SLC8A1: variants seen among roughly 807,000 people sequenced by gnomAD.
The protein encoded by SLC8A1 is solute carrier family 8 member A1, also known as sodium/calcium exchanger 1.
Under a neutral mutation model 68.3 loss-of-function variants are expected in SLC8A1, and 18 were observed. The ratio of observed to expected loss-of-function variants is 0.26; its 90% CI spans 0.18 to 0.39. The LOEUF (loss-of-function observed/expected upper bound fraction) is 0.39, where lower values mean the gene tolerates loss of function less well. Among genes scored for constraint, SLC8A1 ranks in the 10% least tolerant of loss-of-function variants. SLC8A1 has a pLI of 1.00. For missense variants in SLC8A1, 985 were observed against 1,156.7 expected (o/e 0.85, Z 2.15); for synonymous variants, 475 against 415.5 (o/e 1.14, Z -1.74).
intron 2 of SLC8A1, among the ~76,000 whole-genome samples, chr2:40,339,297 A>G (rs1559306340): frequency 6.6e-6 from 1 of 152,216 alleles, no homozygotes; most frequent in Non-Finnish European, 1.5e-5. Flanking sequence ...CAGTGATTAG[A>G]TAAAGGTAAT....
intron 2 of SLC8A1, among the ~76,000 whole-genome samples, chr2:40,373,033 G>GA (rs1454454473): frequency 9.5e-5 from 10 of 105,430 alleles, no homozygotes; most frequent in South Asian, 2.7e-4. Flanking sequence ...AACTTAAGGG[G>GA]GAAAAAAAAA....
Position 40,329,101 on chromosome 2 carries a change from C to T in SLC8A1, c.1808+99372G>A, listed in dbSNP as rs535218818. ...ACACACACACACACACACACACACA[C>T]GCACTGGACTATTTAAAATTCACTG... On this transcript the variant is annotated intron_variant, in intron 2 of 7. Coordinates refer to ENST00000406785, the Ensembl canonical transcript of SLC8A1. 2.9e-3 allele frequency among the ~76,000 whole-genome samples: 432 copies of T among 147,760 alleles called. 1 individual carries two copies. The highest frequency in any genetic ancestry group is 8.3e-3 in the African/African-American group (331 of 39,902).
chr2:40,165,622 T>C (rs1305098082), intron 4 of SLC8A1, among the ~76,000 whole-genome samples: 1 of 152,168 alleles, frequency 6.6e-6, no homozygotes, highest in Admixed American at 6.5e-5. Context: ...TAGGAAAACC[T>C]TGGCCATGTT....
intron 2 of SLC8A1, among the ~76,000 whole-genome samples, chr2:40,406,952 T>G (rs1192463761): frequency 6.6e-6 from 1 of 151,040 alleles, no homozygotes; most frequent in Non-Finnish European, 1.5e-5. Context: ...TCTCCACAGT[T>G]TTTTTTACTT....
exon 8 of SLC8A1, chr2:40,098,436 T>C (rs1211264711): frequency 6.6e-6 from 1 of 152,030 alleles, no homozygotes; most frequent in Non-Finnish European, 1.5e-5. Context: ...CAACCTTCTG[T>C]ACAACATTGT....
At chr2:40,411,408 A>G (rs920260847) in intron 2 of SLC8A1, among the ~76,000 whole-genome samples, 4 of 152,200 alleles carry the variant, frequency 2.6e-5, no homozygotes, top group African/African-American at 9.6e-5. Flanking sequence ...ATTCAGGCAG[A>G]TTCTCTTAAA....
chr2:40,101,982 C>T (rs2033920089), exon 8 of SLC8A1: 1 of 152,012 alleles, frequency 6.6e-6, no homozygotes, highest in Admixed American at 6.6e-5. Flanking sequence ...TTTTAATCAC[C>T]CTAATTGCAC....
At chr2:40,412,570 T>A (rs748830069) in intron 2 of SLC8A1, among the ~76,000 whole-genome samples, 2 of 152,154 alleles carry the variant, frequency 1.3e-5, no homozygotes, top group Non-Finnish European at 2.9e-5. Flanking sequence ...GCAAAGAGAT[T>A]CAGATTGTTT....
chr2:40,398,133 C>G (rs890548198), intron 2 of SLC8A1, among the ~76,000 whole-genome samples: 2 of 152,178 alleles, frequency 1.3e-5, no homozygotes, highest in Non-Finnish European at 2.9e-5. Flanking sequence ...AAATATGGAG[C>G]CACTTTTTCT....
intron 1 of SLC8A1, among the ~76,000 whole-genome samples, chr2:40,463,839 TACACACACAC>T (rs761954909): frequency 0.02 from 2,472 of 123,388 alleles, 37 homozygotes; most frequent in Middle Eastern, 0.038. Flanking sequence ...CACACACACA[TACACACACAC>T]ACACACACAC....
chr2:40,321,055 C>G (rs1227953333), intron 2 of SLC8A1, among the ~76,000 whole-genome samples: 1 of 152,066 alleles, frequency 6.6e-6, no homozygotes, highest in African/African-American at 2.4e-5. Context: ...AGCTAAAAAC[C>G]CTTTGTTCGA....
At chr2:40,224,665 G>A (rs1054751850) in intron 2 of SLC8A1, among the ~76,000 whole-genome samples, 1 of 152,094 alleles carries the variant, frequency 6.6e-6, no homozygotes, top group South Asian at 2.1e-4. Context: ...CTAGGCAAGT[G>A]ATATTTTTAA....
chr2:40,354,884 C>A (rs148205828), intron 2 of SLC8A1, among the ~76,000 whole-genome samples: 27 of 152,192 alleles, frequency 1.8e-4, no homozygotes, highest in African/African-American at 5.1e-4. Context: ...TGCACCCCTC[C>A]CTTTCAGATT....
At chr2:40,334,208 G>A (rs937681074) in intron 2 of SLC8A1, among the ~76,000 whole-genome samples, 15 of 152,174 alleles carry the variant, frequency 9.9e-5, no homozygotes, top group African/African-American at 3.6e-4. Context: ...ATAAAATGAG[G>A]TTTAGAGAAG....
intron 2 of SLC8A1, among the ~76,000 whole-genome samples, chr2:40,364,494 T>C (rs1397063636): frequency 8.9e-6 from 1 of 112,680 alleles, no homozygotes; most frequent in African/African-American, 4.2e-5. Flanking sequence ...CTTTACAATC[T>C]AATAAAATTG....
Position 40,423,997 on chromosome 2 carries a change from C to T in SLC8A1, c.1808+4476G>A, listed in dbSNP as rs184303968. Reference sequence around the variant, plus strand: ...CTAGTTATTCCATACAAATTTCTTACATTAATACATTACCTAGGAAAATTA... The same window carrying T: ...CTAGTTATTCCATACAAATTTCTTATATTAATACATTACCTAGGAAAATTA... On this transcript the variant is annotated intron_variant, in intron 2 of 7. Coordinates refer to ENST00000406785, the Ensembl canonical transcript of SLC8A1. Among the ~76,000 whole-genome samples the T allele has an allele frequency of 3.8e-3, 585 of 152,012 alleles. 3 individuals are homozygous for T. The highest frequency in any genetic ancestry group is 5.1e-3 in the Non-Finnish European group (348 of 67,812).
chr2:40,327,023 TAAC>T (rs2075901108), intron 2 of SLC8A1, among the ~76,000 whole-genome samples: 1 of 152,164 alleles, frequency 6.6e-6, no homozygotes, highest in South Asian at 2.1e-4. Context: ...AAACAACTTG[TAAC>T]AACAATAGTA....
At chr2:40,279,011 T>A (rs1350257122) in intron 2 of SLC8A1, among the ~76,000 whole-genome samples, 1 of 152,212 alleles carries the variant, frequency 6.6e-6, no homozygotes, top group Non-Finnish European at 1.5e-5. Flanking sequence ...ATTTTTAAGA[T>A]GTGACAGCTT....
At chr2:40,498,717 C>G (rs778327285) in intron 1 of SLC8A1, among the ~76,000 whole-genome samples, 3 of 152,050 alleles carry the variant, frequency 2.0e-5, no homozygotes, top group Non-Finnish European at 4.4e-5. Flanking sequence ...TGTCCAAATA[C>G]TTTGTCAAAC....
Sources: gnomAD v4.1 joint callset for allele counts (sites outside exome capture counted in the v4.1 genomes callset) on GRCh38, gnomAD v4.1.1 for gene constraint, MANE v1.5 for transcripts, NCBI Gene and HGNC (gene_info 2026-07-23, HGNC 2026-07-21) for gene names.